Variants in MUC22 observed in about 807,000 individuals in gnomAD.
The protein encoded by MUC22 is mucin 22.
Under a neutral mutation model 40.3 loss-of-function variants are expected in MUC22, and 24 were observed. That is an observed-to-expected ratio of 0.60 (90% CI 0.43 to 0.84). The LOEUF (loss-of-function observed/expected upper bound fraction) is 0.84, where lower values mean the gene tolerates loss of function less well. Ranked by LOEUF, MUC22 falls within the 40% of genes least tolerant of loss-of-function variation. The pLI is 0.00. For missense variants in MUC22, 1,926 were observed against 2,130.7 expected (o/e 0.90, Z 1.89); for synonymous variants, 765 against 844.5 (o/e 0.91, Z 1.63).
intron 2 of MUC22, among the ~76,000 whole-genome samples, chr6:31,031,666 T>G (rs903171827): frequency 6.6e-6 from 1 of 151,952 alleles, no homozygotes; most frequent in African/African-American, 2.4e-5. Context: ...CCTCGCCCCC[T>G]CCCACTCTTC....
At chr6:31,017,974 C>T (rs1318863778) in intron 1 of MUC22, among the ~76,000 whole-genome samples, 1 of 152,256 alleles carries the variant, frequency 6.6e-6, no homozygotes, top group African/African-American at 2.4e-5. Flanking sequence ...TGCAGTTTCA[C>T]TCCTGAGGCC....
chr6:31,029,660 C>A (rs1765863346), exon 2 of MUC22: 2 of 1,534,600 alleles, frequency 1.3e-6, no homozygotes, highest in African/African-American at 2.8e-5. Context: ...ACAGTCTCTA[C>A]CATAGGCTCT....
chr6:31,024,460 CAA>C (rs1765111420), intron 1 of MUC22, among the ~76,000 whole-genome samples: 1 of 147,548 alleles, frequency 6.8e-6, no homozygotes, highest in Non-Finnish European at 1.5e-5. Flanking sequence ...TTTTTTTTTT[CAA>C]AATAAAAACA....
At chr6:31,010,520 C>A in exon 1 of MUC22, 1 of 555,074 alleles carries the variant, frequency 1.8e-6, no homozygotes, top group Non-Finnish European at 3.2e-6. Flanking sequence ...AATTTGGGGG[C>A]TCCCCCCAAC....
At chr6:31,021,923 C>T (rs542423784) in intron 1 of MUC22, among the ~76,000 whole-genome samples, 4 of 152,206 alleles carry the variant, frequency 2.6e-5, no homozygotes, top group South Asian at 2.1e-4. Context: ...TTTGGGTCTA[C>T]ACTGTTTTTA....
intron 1 of MUC22, among the ~76,000 whole-genome samples, chr6:31,013,129 CTT>C (rs28381569): frequency 7.4e-5 from 9 of 121,312 alleles, no homozygotes; most frequent in Non-Finnish European, 1.1e-4. Context: ...CACCCCCATT[CTT>C]TTTTTTTTTT....
upstream of MUC22, among the ~76,000 whole-genome samples, chr6:31,008,413 C>T (rs1328486473): frequency 6.6e-6 from 1 of 152,142 alleles, no homozygotes; most frequent in Admixed American, 6.5e-5. Context: ...GCATAAATTC[C>T]CCCTCAGAGG....
At chr6:31,024,226 G>A (rs1354153777) in intron 1 of MUC22, among the ~76,000 whole-genome samples, 1 of 152,168 alleles carries the variant, frequency 6.6e-6, no homozygotes, top group African/African-American at 2.4e-5. Context: ...AACAACACAC[G>A]ATTCTGAATT....
chr6:31,026,092 G>T (rs1403131398), exon 2 of MUC22: 1 of 1,529,382 alleles, frequency 6.5e-7, no homozygotes, highest in Non-Finnish European at 8.8e-7. Flanking sequence ...AGCATCTACT[G>T]CAGGTTCTGA....
intron 1 of MUC22, among the ~76,000 whole-genome samples, chr6:31,023,416 G>A (rs1047315882): frequency 6.6e-6 from 1 of 151,724 alleles, no homozygotes; most frequent in Non-Finnish European, 1.5e-5. Context: ...ATCATGACTC[G>A]TGCCTGTGAT....
At position 31,011,558 on chromosome 6, in the gene MUC22, G is replaced by A. The variant is rs192246443; in HGVS notation, c.70+782G>A. On this transcript the variant is annotated intron_variant, in intron 1 of 3. Coordinates refer to ENST00000561890, the Ensembl canonical transcript of MUC22. This position sits in a 1 kb window ranked among gnomAD's most constrained non-coding sequence, Gnocchi z 4.5. Reference sequence around the variant, plus strand: ...TTTTATGGCTGAGTAGTATTCCATCGTATATATATGCCAGTTTCTTTATCC... The same window carrying A: ...TTTTATGGCTGAGTAGTATTCCATCATATATATATGCCAGTTTCTTTATCC... Among the ~76,000 whole-genome samples the A allele has an allele frequency of 8.7e-4, 133 of 152,236 alleles. 2 individuals carry two copies. The highest frequency in any genetic ancestry group is 5.2e-3 in the Admixed American group (79 of 15,288).
chr6:31,030,624 T>A (rs1466787464), intron 2 of MUC22, among the ~76,000 whole-genome samples: 1 of 150,456 alleles, frequency 6.6e-6, no homozygotes, highest in Non-Finnish European at 1.5e-5. Context: ...AGAACCACAA[T>A]ATAGTAAACC....
chr6:31,025,455 A>G (rs1562598914), intron 1 of MUC22, 47 bp from the exon 2 acceptor site: 2 of 1,448,684 alleles, frequency 1.4e-6, no homozygotes, highest in African/African-American at 1.4e-5. Flanking sequence ...AAACCTGCAA[A>G]TTCATCTTTA....
intron 1 of MUC22, among the ~76,000 whole-genome samples, chr6:31,018,595 A>G (rs1026620317): frequency 1.3e-5 from 2 of 152,176 alleles, no homozygotes; most frequent in African/African-American, 4.8e-5. Flanking sequence ...TTATTTCTCT[A>G]CTTTTTATTC....
At chr6:31,031,288 T>C (rs6457302) in intron 2 of MUC22, among the ~76,000 whole-genome samples, 62,810 of 151,828 alleles carry the variant, frequency 0.41, 13,253 homozygotes, top group East Asian at 0.54. Context: ...CAGGTCCTCC[T>C]ACATCTGCCC....
upstream of MUC22, chr6:31,010,428 C>A: frequency 2.3e-6 from 1 of 431,128 alleles, no homozygotes; most frequent in Non-Finnish European, 4.2e-6. Flanking sequence ...GTTCTGGCCT[C>A]CCCTACTCAG....
At chr6:31,015,614 A>G (rs1764140403) in intron 1 of MUC22, among the ~76,000 whole-genome samples, 2 of 152,160 alleles carry the variant, frequency 1.3e-5, no homozygotes, top group Admixed American at 6.5e-5. Context: ...GAATTCTAGG[A>G]TGGATATGAT....
chr6:31,029,633 C>A, exon 2 of MUC22: 1 of 1,535,512 alleles, frequency 6.5e-7, no homozygotes, highest in Non-Finnish European at 8.7e-7. Context: ...GTCTTTACCA[C>A]AGTCTCTGAG....
At chr6:31,034,839 C>T (rs4248154) in exon 4 of MUC22, 280,926 of 1,535,300 alleles carry the variant, frequency 0.18, 27,879 homozygotes, top group East Asian at 0.37. Flanking sequence ...GAGGAACACA[C>T]GGCTTTGGAT....
Sources: allele counts gnomAD v4.1 joint callset (sites outside exome capture counted in the v4.1 genomes callset), GRCh38; gene constraint gnomAD v4.1.1; non-coding constraint Gnocchi (gnomAD v3.1); transcripts MANE v1.5; gene names NCBI Gene and HGNC (gene_info 2026-07-23, HGNC 2026-07-21).